SEMA6D: variants seen among roughly 807,000 people sequenced by gnomAD.
SEMA6D encodes semaphorin 6D.
Under a neutral mutation model 106.6 loss-of-function variants are expected in SEMA6D, and 35 were observed. The ratio of observed to expected loss-of-function variants is 0.33; its 90% CI spans 0.25 to 0.44. SEMA6D has a LOEUF of 0.44. SEMA6D is among the 20% of genes least tolerant of loss of function. The pLI, the probability that SEMA6D is intolerant of heterozygous loss-of-function variation, is 1.00. For synonymous variants in SEMA6D, 499 were observed against 487.7 expected (o/e 1.02, Z -0.31); for missense variants, 1,185 against 1,345.9 (o/e 0.88, Z 1.87).
chr15:47,570,440 G>A (rs1281898704), intron 3 of SEMA6D, among the ~76,000 whole-genome samples: 1 of 152,160 alleles, frequency 6.6e-6, no homozygotes, highest in East Asian at 1.9e-4. Flanking sequence ...TTTAAAGGTT[G>A]ATATTTAAAT....
intron 1 of SEMA6D, among the ~76,000 whole-genome samples, chr15:47,317,296 C>T (rs2036721999): frequency 6.6e-6 from 1 of 152,008 alleles, no homozygotes; most frequent in Non-Finnish European, 1.5e-5. Context: ...TGTCTCTCTC[C>T]CTCTATTTTC....
chr15:47,314,991 G>A (rs533154317), intron 1 of SEMA6D, among the ~76,000 whole-genome samples: 11 of 149,356 alleles, frequency 7.4e-5, no homozygotes, highest in Non-Finnish European at 1.0e-4. Flanking sequence ...TCAGCCTCCC[G>A]AGTAGCTGGG....
chr15:47,350,742 T>C (rs961883050), intron 1 of SEMA6D, among the ~76,000 whole-genome samples: 1 of 152,220 alleles, frequency 6.6e-6, no homozygotes, highest in East Asian at 1.9e-4. Context: ...CTTTAGCTAT[T>C]GAGCTTAAGA....
intron 1 of SEMA6D, among the ~76,000 whole-genome samples, chr15:47,226,417 A>G (rs1238481719): frequency 6.6e-6 from 1 of 152,106 alleles, no homozygotes; most frequent in East Asian, 1.9e-4. Context: ...CTCCCCGTCT[A>G]AAACATAAAC....
At chr15:47,304,750 T>C (rs752262324) in intron 1 of SEMA6D, among the ~76,000 whole-genome samples, 2 of 152,142 alleles carry the variant, frequency 1.3e-5, no homozygotes, top group African/African-American at 2.4e-5. Context: ...TTGCATTGAG[T>C]TGAAATTATG....
chr15:47,394,568 A>C (rs1453714916), intron 1 of SEMA6D, among the ~76,000 whole-genome samples: 3 of 152,138 alleles, frequency 2.0e-5, no homozygotes, highest in Non-Finnish European at 4.4e-5. Context: ...CCTCACAAAA[A>C]AGGCTGCTTT....
chr15:47,518,320 C>T (rs982545688), intron 3 of SEMA6D, among the ~76,000 whole-genome samples: 20 of 152,080 alleles, frequency 1.3e-4, no homozygotes, highest in Non-Finnish European at 2.2e-4. Context: ...CAGGATAAGC[C>T]TTTGTCTTAT....
chr15:47,414,796 G>T (rs2040907288), intron 2 of SEMA6D, among the ~76,000 whole-genome samples: 1 of 152,122 alleles, frequency 6.6e-6, no homozygotes, highest in Non-Finnish European at 1.5e-5. Flanking sequence ...ATATAATCAT[G>T]TAGAGTGACA....
chr15:47,663,500 C>T (rs2077967568), intron 4 of SEMA6D, among the ~76,000 whole-genome samples: 1 of 152,034 alleles, frequency 6.6e-6, no homozygotes, highest in African/African-American at 2.4e-5. Context: ...GGGTTGGGAG[C>T]TTTGAAAAGA....
chr15:47,681,009 A>G (rs551288231), intron 4 of SEMA6D, among the ~76,000 whole-genome samples: 3 of 152,348 alleles, frequency 2.0e-5, no homozygotes, highest in East Asian at 1.9e-4. Context: ...TGTTGCCGCT[A>G]TGGAAAACAG....
At chr15:47,625,642 A>G (rs888874014) in intron 4 of SEMA6D, among the ~76,000 whole-genome samples, 4 of 151,906 alleles carry the variant, frequency 2.6e-5, no homozygotes, top group Non-Finnish European at 5.9e-5. Context: ...GGCTGAGGTG[A>G]GAGGATCGCT....
chr15:47,759,162 G>A (rs1243136954), intron 1 of SEMA6D, among the ~76,000 whole-genome samples: 1 of 152,030 alleles, frequency 6.6e-6, no homozygotes, highest in African/African-American at 2.4e-5. Flanking sequence ...GGTCATTCGT[G>A]TCATTGTCTC....
At chr15:47,511,976 T>C (rs2044249352) in intron 3 of SEMA6D, among the ~76,000 whole-genome samples, 1 of 152,210 alleles carries the variant, frequency 6.6e-6, no homozygotes. Flanking sequence ...GTTACATTAT[T>C]TAAATACCAA....
At chr15:47,579,140 ATTTTTT>A (rs34862760) in intron 3 of SEMA6D, among the ~76,000 whole-genome samples, 1 of 129,380 alleles carries the variant, frequency 7.7e-6, no homozygotes, top group Non-Finnish European at 1.7e-5. Flanking sequence ...AGAAATCTGT[ATTTTTT>A]TTTTTTTTTT....
At chr15:47,237,094 A>G (rs1183620572) in intron 1 of SEMA6D, among the ~76,000 whole-genome samples, 1 of 152,148 alleles carries the variant, frequency 6.6e-6, no homozygotes, top group Non-Finnish European at 1.5e-5. Context: ...ATTCAATGGC[A>G]TTGGGTAGAA....
chr15:47,246,906 G>A (rs1716975086), intron 1 of SEMA6D, among the ~76,000 whole-genome samples: 1 of 152,106 alleles, frequency 6.6e-6, no homozygotes, highest in African/African-American at 2.4e-5. Context: ...GGAGAAAACG[G>A]GTCTGGGTGT....
intron 1 of SEMA6D, among the ~76,000 whole-genome samples, chr15:47,752,314 T>C (rs904967575): frequency 3.9e-5 from 6 of 152,192 alleles, no homozygotes; most frequent in African/African-American, 1.4e-4. Context: ...CTGTGAACTG[T>C]CAACTGCTTC....
intron 1 of SEMA6D, among the ~76,000 whole-genome samples, chr15:47,732,172 A>G (rs1007745913): frequency 3.9e-5 from 6 of 152,210 alleles, no homozygotes; most frequent in Non-Finnish European, 7.3e-5. Flanking sequence ...GACTACAGGT[A>G]AGAGGAAACC....
At chr15:47,281,868 A>G (rs2035139536) in intron 1 of SEMA6D, among the ~76,000 whole-genome samples, 1 of 152,150 alleles carries the variant, frequency 6.6e-6, no homozygotes, top group African/African-American at 2.4e-5. Context: ...TCCACGATAC[A>G]TCTAAATATA....
Sources: allele counts gnomAD v4.1 joint callset (sites outside exome capture counted in the v4.1 genomes callset), GRCh38; gene constraint gnomAD v4.1.1; transcripts MANE v1.5; gene names NCBI Gene and HGNC (gene_info 2026-07-23, HGNC 2026-07-21).